The following PPFIA2 variants were observed in gnomAD, a reference collection of about 807,000 sequenced individuals.
The protein encoded by PPFIA2 is liprin-alpha-2.
PPFIA2 carries 46 observed loss-of-function variants against 175.5 expected under a neutral mutation model. The ratio of observed to expected loss-of-function variants is 0.26; its 90% CI spans 0.21 to 0.34. PPFIA2 has a LOEUF of 0.34. PPFIA2 is among the 10% of genes least tolerant of loss of function. The probability of loss-of-function intolerance (pLI) is 1.00; values close to 1 mark genes in which losing one functional copy is unlikely to be tolerated. For missense variants in PPFIA2, 1,179 were observed against 1,506.1 expected, an observed-to-expected ratio of 0.78 and a Z score of 3.60; for synonymous variants, 568 against 511.4, an observed-to-expected ratio of 1.11 and a Z score of -1.49.
intron 1 of PPFIA2, 103 bp downstream of exon 1, chr12:81,759,176 TC>T (rs1480761086): frequency 2.8e-4 from 3 of 10,680 alleles, no homozygotes; most frequent in Non-Finnish European, 4.0e-4. Context: ...CCCCCTTCCC[TC>T]CCCCCCGCCG....
intron 8 of PPFIA2, among the ~76,000 whole-genome samples, chr12:81,397,403 G>A (rs2041333739): frequency 6.6e-6 from 1 of 151,944 alleles, no homozygotes; most frequent in African/African-American, 2.4e-5. Context: ...TAAGTAAGAG[G>A]AAAACAATGT....
At chr12:81,346,042 G>A (rs2059015786) in intron 18 of PPFIA2, among the ~76,000 whole-genome samples, 2 of 152,202 alleles carry the variant, frequency 1.3e-5, no homozygotes, top group South Asian at 2.1e-4. Flanking sequence ...GCTTAAAGAG[G>A]TAACTGTCTT....
chr12:81,634,079 GT>G (rs1489888529), intron 4 of PPFIA2, among the ~76,000 whole-genome samples: 1 of 151,876 alleles, frequency 6.6e-6, no homozygotes, highest in Non-Finnish European at 1.5e-5. Context: ...TGCATTTTTT[GT>G]TTGCCTCACC....
At chr12:81,310,335 A>T (rs888523210) in intron 22 of PPFIA2, among the ~76,000 whole-genome samples, 1 of 152,084 alleles carries the variant, frequency 6.6e-6, no homozygotes, top group Non-Finnish European at 1.5e-5. Flanking sequence ...CCCTGATATT[A>T]TATTATCCAA....
intron 4 of PPFIA2, among the ~76,000 whole-genome samples, chr12:81,549,859 A>G (rs2067608040): frequency 6.6e-6 from 1 of 151,762 alleles, no homozygotes; most frequent in African/African-American, 2.4e-5. Flanking sequence ...CCACATCCAT[A>G]TATCCCAATT....
At chr12:81,549,505 T>C (rs1367926458) in intron 4 of PPFIA2, among the ~76,000 whole-genome samples, 2 of 152,004 alleles carry the variant, frequency 1.3e-5, no homozygotes, top group African/African-American at 2.4e-5. Flanking sequence ...CCCCATATCA[T>C]GGCCTATGGG....
chr12:81,736,689 A>G (rs1338570962), intron 3 of PPFIA2, among the ~76,000 whole-genome samples: 1 of 152,052 alleles, frequency 6.6e-6, no homozygotes, highest in Non-Finnish European at 1.5e-5. Flanking sequence ...GAAAATGGTA[A>G]CTGCTTATTT....
At position 81,261,998 on chromosome 12, in the gene PPFIA2, C is replaced by T. The variant is rs1316641884; in HGVS notation, c.3758G>A (p.Arg1253His). ...AGTGGCTGGTCAACATGAGTATGTG[C>T]GAACAGTGGAGTTGTCTAACCTCTG... ...RLQRLDNSTVRTYSC is the reference protein window; with the variant it reads ...RLQRLDNSTVHTYSC The change falls in exon 32 of 33, where the codon CGC becomes CAC. Residue 1253 changes from arginine to histidine, a missense_variant. By Grantham distance (29) the Arg-to-His change is conservative. Around this residue, in one of 10 missense-constraint regions of PPFIA2, gnomAD observed 245 missense variants for 375.1 expected, o/e 0.65. Transcript: ENST00000549396. The T allele has an allele frequency of 9.3e-6, 15 of 1,604,982 alleles. No individual in the cohort carries two copies. Among genetic ancestry groups the T allele is most frequent in the South Asian group, 1.1e-5 (1 of 89,120 alleles).
At chr12:81,689,861 T>C (rs2075007840) in intron 3 of PPFIA2, among the ~76,000 whole-genome samples, 1 of 152,088 alleles carries the variant, frequency 6.6e-6, no homozygotes, top group Non-Finnish European at 1.5e-5. Context: ...AATTTCAAAG[T>C]GCATACAATG....
intron 4 of PPFIA2, among the ~76,000 whole-genome samples, chr12:81,581,802 T>G (rs758649541): frequency 6.6e-6 from 1 of 151,906 alleles, no homozygotes; most frequent in Non-Finnish European, 1.5e-5. Flanking sequence ...TGTATCATTC[T>G]GATACATTTT....
At chr12:81,608,390 T>C (rs752743147) in intron 4 of PPFIA2, among the ~76,000 whole-genome samples, 2 of 152,142 alleles carry the variant, frequency 1.3e-5, no homozygotes, top group Non-Finnish European at 2.9e-5. Context: ...TCTTTATAGA[T>C]CTGGTAAAAT....
At chr12:81,531,599 G>A (rs746908589) in intron 4 of PPFIA2, among the ~76,000 whole-genome samples, 4 of 151,520 alleles carry the variant, frequency 2.6e-5, no homozygotes, top group Non-Finnish European at 5.9e-5. Context: ...TAACGAATAA[G>A]TGATAAGGAT....
intron 4 of PPFIA2, among the ~76,000 whole-genome samples, chr12:81,645,663 T>C (rs2065958711): frequency 6.6e-6 from 1 of 152,222 alleles, no homozygotes; most frequent in African/African-American, 2.4e-5. Context: ...CAAGTTCCTT[T>C]GAGGAAAGAC....
At chr12:81,395,066 CTGTGT>C (rs2040866052) in intron 8 of PPFIA2, among the ~76,000 whole-genome samples, 1 of 151,976 alleles carries the variant, frequency 6.6e-6, no homozygotes, top group African/African-American at 2.4e-5. Flanking sequence ...TCCTCCCAAT[CTGTGT>C]AATTACTTAG....
intron 8 of PPFIA2, among the ~76,000 whole-genome samples, chr12:81,402,613 GGAGGCCGAGGT>G (rs2042271348): frequency 6.6e-6 from 1 of 152,134 alleles, no homozygotes; most frequent in Non-Finnish European, 1.5e-5. Flanking sequence ...CAGCACTTTG[GGAGGCCGAGGT>G]GGGCAGATTG....
At chr12:81,665,142 A>T (rs1400843483) in intron 4 of PPFIA2, among the ~76,000 whole-genome samples, 1 of 152,044 alleles carries the variant, frequency 6.6e-6, no homozygotes, top group East Asian at 1.9e-4. Context: ...CATATGTAAC[A>T]AACCTGCACG....
chr12:81,663,390 C>A (rs1339432722), intron 4 of PPFIA2, among the ~76,000 whole-genome samples: 3 of 152,042 alleles, frequency 2.0e-5, no homozygotes, highest in East Asian at 1.9e-4. Flanking sequence ...TCTTATACAC[C>A]AATAACAGAC....
chr12:81,395,213 G>A (rs1451584614), intron 8 of PPFIA2, among the ~76,000 whole-genome samples: 1 of 151,872 alleles, frequency 6.6e-6, no homozygotes, highest in Non-Finnish European at 1.5e-5. Flanking sequence ...ATATAAAGGA[G>A]ATAACAATCA....
intron 4 of PPFIA2, among the ~76,000 whole-genome samples, chr12:81,510,806 T>G (rs1392609083): frequency 6.6e-6 from 1 of 152,062 alleles, no homozygotes; most frequent in Non-Finnish European, 1.5e-5. Context: ...AAATTGCTAT[T>G]ACAAACAAAA....
Sources: allele counts gnomAD v4.1 joint callset (sites outside exome capture counted in the v4.1 genomes callset), GRCh38; gene constraint gnomAD v4.1.1; regional missense constraint gnomAD v4.1.1; transcripts MANE v1.5; gene names NCBI Gene and HGNC (gene_info 2026-07-23, HGNC 2026-07-21).